RAB3C: variants seen among roughly 807,000 people sequenced by gnomAD.
The protein encoded by RAB3C is RAB3C, member RAS oncogene family, also known as ras-related protein Rab-3C.
RAB3C carries 17 observed loss-of-function variants against 26.4 expected under a neutral mutation model. That is an observed-to-expected ratio of 0.64 (90% CI 0.44 to 0.97). RAB3C has a LOEUF of 0.97. Ranked by LOEUF, RAB3C falls within the 50% of genes least tolerant of loss-of-function variation. The probability of loss-of-function intolerance (pLI) is 0.00; values close to 1 mark genes in which losing one functional copy is unlikely to be tolerated. For synonymous variants in RAB3C, 91 were observed against 95.9 expected (o/e 0.95, Z 0.30); for missense variants, 242 against 281.9 (o/e 0.86, Z 1.01).
chr5:58,839,265 T>A (rs1279561500), intron 4 of RAB3C, among the ~76,000 whole-genome samples: 1 of 151,932 alleles, frequency 6.6e-6, no homozygotes, highest in African/African-American at 2.4e-5. Flanking sequence ...GTTTCCTGGT[T>A]GTTTTATATA....
chr5:58,769,743 G>T (rs967080694), intron 3 of RAB3C, among the ~76,000 whole-genome samples: 2 of 108,380 alleles, frequency 1.8e-5, no homozygotes, highest in African/African-American at 5.7e-5. Flanking sequence ...TAAGAGAAAT[G>T]TAATCATCTG....
intron 3 of RAB3C, among the ~76,000 whole-genome samples, chr5:58,819,925 T>C (rs1743302031): frequency 6.6e-6 from 1 of 152,188 alleles, no homozygotes; most frequent in Non-Finnish European, 1.5e-5. Flanking sequence ...ATGATCACTA[T>C]GCAGCAAGAC....
At chr5:58,846,504 G>T (rs144981443) in intron 4 of RAB3C, among the ~76,000 whole-genome samples, 3 of 152,004 alleles carry the variant, frequency 2.0e-5, no homozygotes, top group Non-Finnish European at 4.4e-5. Flanking sequence ...TCAGCCTCCC[G>T]AGTAGCTGGG....
chr5:58,626,681 A>C (rs1747059702), intron 2 of RAB3C, among the ~76,000 whole-genome samples: 1 of 152,338 alleles, frequency 6.6e-6, no homozygotes, highest in East Asian at 1.9e-4. Context: ...ATGAAATAAA[A>C]TGATATTTAC....
intron 3 of RAB3C, among the ~76,000 whole-genome samples, chr5:58,767,092 C>A (rs751170985): frequency 3.3e-5 from 5 of 152,158 alleles, no homozygotes; most frequent in Non-Finnish European, 5.9e-5. Context: ...AGTGCCAGTA[C>A]ATGTGGTCTG....
chr5:58,845,640 A>C (rs868653170), intron 4 of RAB3C, among the ~76,000 whole-genome samples: 1 of 69,604 alleles, frequency 1.4e-5, no homozygotes. Context: ...GTATATGTAT[A>C]TATACATATA....
chr5:58,627,884 G>A (rs1182348073), intron 2 of RAB3C, among the ~76,000 whole-genome samples: 3 of 152,114 alleles, frequency 2.0e-5, no homozygotes, highest in Non-Finnish European at 4.4e-5. Flanking sequence ...GGGGCCAGGC[G>A]CAAAGGCTCA....
chr5:58,641,802 G>T (rs1367652379), intron 2 of RAB3C, among the ~76,000 whole-genome samples: 1 of 152,202 alleles, frequency 6.6e-6, no homozygotes, highest in African/African-American at 2.4e-5. Context: ...CTAAGCCGCT[G>T]TCTCCAATGT....
intron 2 of RAB3C, among the ~76,000 whole-genome samples, chr5:58,681,983 C>T (rs572735203): frequency 6.6e-6 from 1 of 152,190 alleles, no homozygotes; most frequent in Non-Finnish European, 1.5e-5. Context: ...TGCTGTGGGT[C>T]GAAGGGGTGA....
rs138132922 is a variant in RAB3C at position 58,677,724 on chromosome 5, T to C, written c.253-48278T>C. On this transcript the variant is annotated intron_variant, in intron 2 of 4. Coordinates refer to ENST00000282878, the MANE Select transcript of RAB3C (RefSeq NM_138453.4). Reference sequence around the variant, plus strand: ...AAGATAGCTTGTTTATTTGAACTGATAGCGGCTATCTAGAAATTTGATCAC... The same window carrying C: ...AAGATAGCTTGTTTATTTGAACTGACAGCGGCTATCTAGAAATTTGATCAC... Among the ~76,000 whole-genome samples the C allele has an allele frequency of 1.8e-4, 27 of 152,312 alleles. No individual in the cohort carries two copies. In the East Asian group the frequency reaches 5.2e-3, roughly 29 times the overall value.
rs1180653453 is a variant in RAB3C, at chr5:58,855,239, C to CA, written c.*3889dup. On this transcript the variant is annotated 3_prime_UTR_variant, in exon 5 of 5. Coordinates refer to ENST00000282878, the MANE Select transcript of RAB3C (RefSeq NM_138453.4). ...ACCAAGCTGAGGTAGGTAACACCTG[C>CA]ATGTGAAAAACTGTGATATGAATCT... The CA allele has an allele frequency of 1.3e-5, 2 of 152,150 alleles. No homozygotes were observed. The highest frequency in any genetic ancestry group is 2.4e-5 in the African/African-American group (1 of 41,422). The allele number at this position is 152,150 out of a possible 1,614,324, so 9.4% of individuals were successfully genotyped here.
At chr5:58,823,593 A>T (rs1278095101) in intron 3 of RAB3C, 1 of 202,664 alleles carries the variant, frequency 4.9e-6, no homozygotes, top group Non-Finnish European at 1.1e-5. Context: ...TGAGAAGCCC[A>T]AGAAAGAAGT....
chr5:58,847,103 T>G (rs1399701410), intron 4 of RAB3C: 2 of 152,022 alleles, frequency 1.3e-5, no homozygotes, highest in Non-Finnish European at 2.9e-5. Flanking sequence ...AAGGCTTTGT[T>G]AAGGGAAGGA....
chr5:58,846,396 C>A (rs190835519), intron 4 of RAB3C, among the ~76,000 whole-genome samples: 1 of 151,982 alleles, frequency 6.6e-6, no homozygotes, highest in Non-Finnish European at 1.5e-5. Flanking sequence ...AACTTTTAAG[C>A]ACTTCAGGTG....
chr5:58,800,427 G>A (rs2112026331), intron 3 of RAB3C, among the ~76,000 whole-genome samples: 1 of 152,300 alleles, frequency 6.6e-6, no homozygotes, highest in Non-Finnish European at 1.5e-5. Context: ...ACTATAATCA[G>A]TGTTTTTAAG....
chr5:58,825,081 A>G lies in RAB3C; in HGVS notation c.415A>G (p.Ile139Val). 6.2e-7 allele frequency: 1 copy of G among 1,613,470 alleles called. No homozygotes were observed. Among genetic ancestry groups the G allele is most frequent in the Non-Finnish European group, 8.5e-7 (1 of 1,179,596 alleles). ...KTYSWDNAQV[I>V]LVGNKCDMED... is the part of the protein sequence containing the mutation. ...ATACTCTTGGGACAATGCCCAAGTT[A>G]TTCTGGTTGGGAACAAGTGTGACAT... Residue 139 changes from isoleucine (I) to valine (V), a missense_variant, in exon 4 of 5, where the codon ATT (isoleucine) becomes GTT (valine). Ile to Val is a conservative substitution (Grantham distance 29). Coordinates refer to ENST00000282878, the MANE Select transcript of RAB3C (RefSeq NM_138453.4).
intron 3 of RAB3C, among the ~76,000 whole-genome samples, chr5:58,777,737 C>T (rs1252730276): frequency 6.6e-6 from 1 of 151,476 alleles, no homozygotes; most frequent in Non-Finnish European, 1.5e-5. Flanking sequence ...GAATGCTATC[C>T]TTCTCCCCTC....
chr5:58,598,933 G>A (rs189997536), intron 1 of RAB3C, among the ~76,000 whole-genome samples: 1 of 152,256 alleles, frequency 6.6e-6, no homozygotes, highest in Admixed American at 6.5e-5. Flanking sequence ...GAATATCAAA[G>A]ATAATCATGG....
intron 3 of RAB3C, 116 bp from the exon 4 acceptor site, chr5:58,824,922 T>C: frequency 1.6e-6 from 1 of 636,728 alleles, no homozygotes; most frequent in Non-Finnish European, 2.6e-6. Context: ...CATTTGGACA[T>C]CGTGTTTTTT....
Sources: allele counts gnomAD v4.1 joint callset (sites outside exome capture counted in the v4.1 genomes callset), GRCh38; gene constraint gnomAD v4.1.1; transcripts MANE v1.5; gene names NCBI Gene and HGNC (gene_info 2026-07-23, HGNC 2026-07-21).